Variants in OSTN observed in about 807,000 individuals in gnomAD.
OSTN encodes osteocrin.
A neutral mutation model predicts 12.0 loss-of-function variants in OSTN; 9 were observed. That is an observed-to-expected ratio of 0.75 (90% confidence interval 0.45 to 1.30). The LOEUF (loss-of-function observed/expected upper bound fraction) is 1.30. OSTN is among the 50% of genes most tolerant of loss of function. The pLI, the probability that OSTN is intolerant of heterozygous loss-of-function variation, is 0.00. For synonymous variants in OSTN, 59 were observed against 56.9 expected (o/e 1.04, Z -0.16); for missense variants, 148 against 152.3 (o/e 0.97, Z 0.15).
At chr3:191,260,357 A>AC (rs1311171696) in intron 4 of OSTN, among the ~76,000 whole-genome samples, 1 of 152,066 alleles carries the variant, frequency 6.6e-6, no homozygotes, top group Non-Finnish European at 1.5e-5. Context: ...TAGGGCATAG[A>AC]CAAAAACAAT....
intron 3 of OSTN, among the ~76,000 whole-genome samples, chr3:191,223,190 C>T (rs1714814365): frequency 6.6e-6 from 1 of 152,068 alleles, no homozygotes; most frequent in South Asian, 2.1e-4. Context: ...TATAGCTCAG[C>T]TTGCAAGAAA....
intron 3 of OSTN, among the ~76,000 whole-genome samples, chr3:191,234,230 C>T (rs1715131482): frequency 6.6e-6 from 1 of 152,006 alleles, no homozygotes; most frequent in East Asian, 1.9e-4. Flanking sequence ...ATAGGTGTCA[C>T]CTTTGAAATA....
At chr3:191,248,189 A>G (rs1715478591) in intron 3 of OSTN, among the ~76,000 whole-genome samples, 1 of 152,004 alleles carries the variant, frequency 6.6e-6, no homozygotes, top group South Asian at 2.1e-4. Context: ...CACCGATATG[A>G]CTGTGTAGTC....
chr3:191,260,067 G>C (rs1394890204), intron 4 of OSTN, among the ~76,000 whole-genome samples: 1 of 151,672 alleles, frequency 6.6e-6, no homozygotes, highest in Non-Finnish European at 1.5e-5. Flanking sequence ...GGCCAGGATG[G>C]TCTCGATCTC....
intron 1 of OSTN, among the ~76,000 whole-genome samples, chr3:191,204,676 C>G (rs1714228851): frequency 6.6e-6 from 1 of 152,166 alleles, no homozygotes; most frequent in Non-Finnish European, 1.5e-5. Context: ...TGGGTGCTTC[C>G]CTAATCAAAG....
At chr3:191,262,174 C>T (rs188998325) in intron 4 of OSTN, among the ~76,000 whole-genome samples, 3 of 152,200 alleles carry the variant, frequency 2.0e-5, no homozygotes, top group African/African-American at 4.8e-5. Flanking sequence ...GCTGAGGTCG[C>T]GCACCATTGC....
At chr3:191,252,060 AT>A (rs34589385) in intron 4 of OSTN, among the ~76,000 whole-genome samples, 34 of 151,060 alleles carry the variant, frequency 2.3e-4, no homozygotes, top group Non-Finnish European at 4.7e-4. Flanking sequence ...TTTTCATATG[AT>A]TTTTTTTTGG....
At chr3:191,204,713 T>G (rs1716612735) in intron 1 of OSTN, among the ~76,000 whole-genome samples, 1 of 152,250 alleles carries the variant, frequency 6.6e-6, no homozygotes, top group Admixed American at 6.5e-5. Flanking sequence ...TCTTTAAAAC[T>G]TTGTTCAAAT....
chr3:191,212,325 C>T (rs950278355), intron 1 of OSTN, among the ~76,000 whole-genome samples: 3 of 152,146 alleles, frequency 2.0e-5, no homozygotes, highest in Admixed American at 6.5e-5. Flanking sequence ...CCAGGGTCTC[C>T]ATGGAAAAGA....
At chr3:191,262,075 T>C (rs1272000841) in intron 4 of OSTN, among the ~76,000 whole-genome samples, 1 of 152,036 alleles carries the variant, frequency 6.6e-6, no homozygotes, top group Non-Finnish European at 1.5e-5. Flanking sequence ...AAATTTAGCC[T>C]GGCATGGTAG....
chr3:191,212,867 C>CTTTCT (rs1714498861), intron 2 of OSTN, among the ~76,000 whole-genome samples: 1 of 93,082 alleles, frequency 1.1e-5, no homozygotes, highest in South Asian at 3.7e-4. Context: ...TCTTTTCTTT[C>CTTTCT]TTTTTTTTTT....
chr3:191,208,048 T>G (rs1192528226), intron 1 of OSTN, among the ~76,000 whole-genome samples: 1 of 152,202 alleles, frequency 6.6e-6, no homozygotes, highest in Non-Finnish European at 1.5e-5. Context: ...ACAGATAATC[T>G]TCTTATAAGG....
intron 2 of OSTN, among the ~76,000 whole-genome samples, chr3:191,214,556 C>T (rs1714557413): frequency 6.6e-6 from 1 of 150,768 alleles, no homozygotes; most frequent in Middle Eastern, 3.2e-3. Context: ...GCACATATGA[C>T]TGTATAAGGA....
intron 2 of OSTN, among the ~76,000 whole-genome samples, chr3:191,214,472 A>G (rs1397250466): frequency 6.6e-6 from 1 of 151,662 alleles, no homozygotes; most frequent in Non-Finnish European, 1.5e-5. Flanking sequence ...ACAGCAACAA[A>G]AAACCACCAC....
At chr3:191,235,749 G>A (rs955514257) in intron 3 of OSTN, among the ~76,000 whole-genome samples, 2 of 152,080 alleles carry the variant, frequency 1.3e-5, no homozygotes, top group African/African-American at 4.8e-5. Flanking sequence ...TTGGGGCAAG[G>A]TCCCTTTTAT....
chr3:191,226,701 A>G (rs1714919968), intron 3 of OSTN, among the ~76,000 whole-genome samples: 1 of 152,218 alleles, frequency 6.6e-6, no homozygotes, highest in South Asian at 2.1e-4. Flanking sequence ...AGATCAGAAG[A>G]GAAATTCAAT....
intron 2 of OSTN, among the ~76,000 whole-genome samples, chr3:191,216,624 T>A (rs183227139): frequency 1.6e-3 from 238 of 152,224 alleles, no homozygotes; most frequent in South Asian, 7.0e-3. Context: ...AAATTTCTTC[T>A]GCCAGATACC....
chr3:191,256,592 A>G (rs1715675629), intron 4 of OSTN, among the ~76,000 whole-genome samples: 1 of 151,270 alleles, frequency 6.6e-6, no homozygotes, highest in African/African-American at 2.4e-5. Flanking sequence ...AGACAGCATG[A>G]GGCAAACTGA....
At chr3:191,222,266 AGAATG>A (rs1420369573) in intron 3 of OSTN, among the ~76,000 whole-genome samples, 1 of 152,210 alleles carries the variant, frequency 6.6e-6, no homozygotes, top group Non-Finnish European at 1.5e-5. Context: ...TGCAGACCCC[AGAATG>A]GTAGATCTTT....
Sources: gnomAD v4.1 joint callset for allele counts (sites outside exome capture counted in the v4.1 genomes callset) on GRCh38, gnomAD v4.1.1 for gene constraint, MANE v1.5 for transcripts, NCBI Gene and HGNC (gene_info 2026-07-23, HGNC 2026-07-21) for gene names.